The following GRM7 variants were observed in gnomAD, a reference collection of about 807,000 sequenced individuals.
GRM7 encodes glutamate metabotropic receptor 7, also known as metabotropic glutamate receptor 7.
In GRM7, 35 loss-of-function variants were observed where a neutral mutation model predicts 84.5. The ratio of observed to expected loss-of-function variants is 0.41; its 90% CI spans 0.32 to 0.55. The LOEUF (loss-of-function observed/expected upper bound fraction) is 0.55, where lower values mean the gene tolerates loss of function less well. Among genes scored for constraint, GRM7 ranks in the 20% least tolerant of loss-of-function variants. The probability of loss-of-function intolerance (pLI) is 0.19; values close to 1 mark genes in which losing one functional copy is unlikely to be tolerated. For missense variants in GRM7, 1,003 were observed against 1,194.6 expected (o/e 0.84, Z 2.36); for synonymous variants, 487 against 455.1 (o/e 1.07, Z -0.89).
intron 8 of GRM7, chr3:7,607,364 CT>C (rs1369811183): frequency 6.6e-6 from 1 of 152,120 alleles, no homozygotes; most frequent in Non-Finnish European, 1.5e-5. Context: ...AGTAAAACCT[CT>C]TTGGAGTCTT....
chr3:7,179,894 G>A lies in GRM7; in HGVS notation c.736+33226G>A, dbSNP rs149397948. Among the ~76,000 whole-genome samples the A allele has an allele frequency of 1.4e-3, 219 of 152,260 alleles. 3 individuals carry two copies. In the East Asian group the frequency reaches 0.018, roughly 13 times the overall value. On this transcript the variant is annotated intron_variant, in intron 2 of 9. Coordinates refer to ENST00000357716, the MANE Select transcript of GRM7 (RefSeq NM_000844.4). ...TTTAAAATTTTACACAAAAGTGAAAGTTTGAGAAATCTCCCAGACTTCTTT... is the reference window on the plus strand; with the variant it reads ...TTTAAAATTTTACACAAAAGTGAAAATTTGAGAAATCTCCCAGACTTCTTT...
At chr3:7,122,112 T>A (rs955312213) in intron 1 of GRM7, among the ~76,000 whole-genome samples, 1 of 152,250 alleles carries the variant, frequency 6.6e-6, no homozygotes, top group East Asian at 1.9e-4. Context: ...AATTACCCAG[T>A]CTGTGGTGTT....
At chr3:7,644,017 T>C (rs369279096) in intron 8 of GRM7, among the ~76,000 whole-genome samples, 37 of 38,000 alleles carry the variant, frequency 9.7e-4, no homozygotes, top group Non-Finnish European at 1.4e-3. Flanking sequence ...TATATATATA[T>C]ATACACACAC....
chr3:7,216,889 TTG>T (rs147410753), intron 2 of GRM7, among the ~76,000 whole-genome samples: 2,430 of 152,274 alleles, frequency 0.016, 60 homozygotes, highest in African/African-American at 0.055. Context: ...TTGAGTGTAT[TTG>T]TGTAAATGCA....
At chr3:6,864,017 T>C (rs977459928) in intron 1 of GRM7, among the ~76,000 whole-genome samples, 3 of 151,344 alleles carry the variant, frequency 2.0e-5, no homozygotes, top group African/African-American at 7.3e-5. Flanking sequence ...AAAAAAGGGG[T>C]GGGGGGCTGG....
chr3:7,603,424 A>G (rs915810265), intron 8 of GRM7, among the ~76,000 whole-genome samples: 1 of 152,086 alleles, frequency 6.6e-6, no homozygotes, highest in Admixed American at 6.6e-5. Context: ...CTGTTTTATG[A>G]CAAGTCACAG....
intron 1 of GRM7, among the ~76,000 whole-genome samples, chr3:7,090,538 AC>A (rs1416658810): frequency 1.4e-4 from 22 of 152,212 alleles, no homozygotes; most frequent in Non-Finnish European, 2.8e-4. Context: ...ACCAGCTAAC[AC>A]TGAGCCCTGA....
At chr3:6,960,569 C>A (rs1693253920) in intron 1 of GRM7, among the ~76,000 whole-genome samples, 2 of 152,186 alleles carry the variant, frequency 1.3e-5, no homozygotes, top group South Asian at 4.1e-4. Context: ...TCCCTATAAC[C>A]CGTTATATCC....
intron 1 of GRM7, among the ~76,000 whole-genome samples, chr3:6,947,194 G>A (rs184726675): frequency 2.8e-4 from 42 of 152,132 alleles, no homozygotes; most frequent in South Asian, 1.0e-3. Context: ...TGGGTTTGTC[G>A]TAGATAGCTC....
At chr3:7,293,568 A>C (rs962663104) in intron 2 of GRM7, among the ~76,000 whole-genome samples, 12 of 152,200 alleles carry the variant, frequency 7.9e-5, no homozygotes, top group Non-Finnish European at 1.5e-5. Context: ...CGCTCCCCAC[A>C]GAAGTGTGAA....
intron 2 of GRM7, among the ~76,000 whole-genome samples, chr3:7,251,197 A>G (rs1195895828): frequency 6.6e-6 from 1 of 152,168 alleles, no homozygotes; most frequent in Non-Finnish European, 1.5e-5. Flanking sequence ...AAAGGGATGT[A>G]GCCATGGTTG....
chr3:7,111,383 G>C (rs1377295094), intron 1 of GRM7, among the ~76,000 whole-genome samples: 1 of 152,150 alleles, frequency 6.6e-6, no homozygotes, highest in Non-Finnish European at 1.5e-5. Flanking sequence ...GGATTTGTGA[G>C]GGCCTGGTAC....
chr3:7,186,249 G>A (rs1695509441), intron 2 of GRM7, among the ~76,000 whole-genome samples: 4 of 152,134 alleles, frequency 2.6e-5, no homozygotes, highest in South Asian at 4.2e-4. Context: ...TTTTTCTTTT[G>A]GTTGTAACCC....
At chr3:7,553,954 A>T (rs1693625018) in intron 7 of GRM7, among the ~76,000 whole-genome samples, 1 of 152,206 alleles carries the variant, frequency 6.6e-6, no homozygotes, top group Admixed American at 6.5e-5. Flanking sequence ...ATGTAGATTA[A>T]GTTCCCAATT....
intron 1 of GRM7, among the ~76,000 whole-genome samples, chr3:7,072,798 G>C (rs1697931699): frequency 6.6e-6 from 1 of 152,306 alleles, no homozygotes; most frequent in Middle Eastern, 3.4e-3. Flanking sequence ...GTTTGCAAAA[G>C]GATATTGATA....
intron 9 of GRM7, among the ~76,000 whole-genome samples, chr3:7,722,581 C>T (rs779978515): frequency 4.2e-4 from 64 of 151,762 alleles, no homozygotes; most frequent in Admixed American, 6.6e-4. Context: ...TAGCTGGGAC[C>T]ACAGCCATGT....
chr3:7,517,333 ATAT>A (rs1249989134), intron 7 of GRM7, among the ~76,000 whole-genome samples: 6 of 150,466 alleles, frequency 4.0e-5, no homozygotes, highest in Admixed American at 1.3e-4. Context: ...CAAATGTGTG[ATAT>A]TATTGTAATA....
intron 1 of GRM7, among the ~76,000 whole-genome samples, chr3:7,092,300 C>G (rs1698693963): frequency 6.6e-6 from 1 of 152,112 alleles, no homozygotes; most frequent in Non-Finnish European, 1.5e-5. Context: ...AGAGATAGTT[C>G]CTTATTTGAT....
At chr3:7,166,161 A>G (rs9834878) in intron 2 of GRM7, among the ~76,000 whole-genome samples, 93,364 of 152,028 alleles carry the variant, frequency 0.61, 31,037 homozygotes, top group African/African-American at 0.88. Flanking sequence ...TTGTACGGAG[A>G]GCAAAGTACT....
Sources: allele counts gnomAD v4.1 joint callset (sites outside exome capture counted in the v4.1 genomes callset), GRCh38; gene constraint gnomAD v4.1.1; transcripts MANE v1.5; gene names NCBI Gene and HGNC (gene_info 2026-07-23, HGNC 2026-07-21).